Variants in RARB observed in about 807,000 individuals in gnomAD.
The protein encoded by RARB is retinoic acid receptor beta.
Under a neutral mutation model 51.9 loss-of-function variants are expected in RARB, and 17 were observed. That is an observed-to-expected ratio of 0.33 (90% confidence interval 0.22 to 0.49). RARB has a LOEUF of 0.49. Ranked by LOEUF, RARB falls within the 20% of genes least tolerant of loss-of-function variation. The pLI is 0.99. For missense variants in RARB, 369 were observed against 550.8 expected, an observed-to-expected ratio of 0.67 and a Z score of 3.30; for synonymous variants, 215 against 195.4, an observed-to-expected ratio of 1.10 and a Z score of -0.84.
intron 4 of RARB, among the ~76,000 whole-genome samples, chr3:25,155,195 G>A (rs1700354458): frequency 6.6e-6 from 1 of 151,486 alleles, no homozygotes; most frequent in East Asian, 1.9e-4. Context: ...GTATTTTTTA[G>A]CATTTTTCTT....
At chr3:24,877,069 A>T (rs548365133) in intron 2 of RARB, among the ~76,000 whole-genome samples, 2 of 152,226 alleles carry the variant, frequency 1.3e-5, no homozygotes, top group Admixed American at 1.3e-4. Flanking sequence ...ATTTTCTCTA[A>T]TTTTTATTAG....
intron 2 of RARB, among the ~76,000 whole-genome samples, chr3:25,005,209 C>T (rs1697245334): frequency 1.3e-5 from 2 of 152,154 alleles, no homozygotes; most frequent in African/African-American, 2.4e-5. Context: ...TAGTCTGATC[C>T]TATACTTGCC....
chr3:24,944,207 C>T (rs977102977), intron 2 of RARB, among the ~76,000 whole-genome samples: 1 of 152,160 alleles, frequency 6.6e-6, no homozygotes, highest in Non-Finnish European at 1.5e-5. Context: ...CTCTCACTCA[C>T]GGGCTTCTTG....
chr3:24,932,546 AC>A (rs1380095960), intron 2 of RARB, among the ~76,000 whole-genome samples: 1 of 152,122 alleles, frequency 6.6e-6, no homozygotes, highest in African/African-American at 2.4e-5. Context: ...TTACACACAT[AC>A]CTACGGCTAT....
intron 2 of RARB, among the ~76,000 whole-genome samples, chr3:25,001,939 G>A (rs1022627547): frequency 1.3e-5 from 2 of 151,970 alleles, no homozygotes; most frequent in African/African-American, 4.8e-5. Context: ...CACCCCATGT[G>A]GCTAATTTTT....
At chr3:25,538,405 G>C (rs886176957) in intron 3 of RARB, among the ~76,000 whole-genome samples, 7 of 151,948 alleles carry the variant, frequency 4.6e-5, no homozygotes, top group Non-Finnish European at 1.0e-4. Flanking sequence ...CTTTACATCC[G>C]GGTTTTAGAT....
At chr3:25,144,501 T>C (rs1302738053) in intron 4 of RARB, among the ~76,000 whole-genome samples, 1 of 152,008 alleles carries the variant, frequency 6.6e-6, no homozygotes, top group African/African-American at 2.4e-5. Flanking sequence ...AAAATTCAGA[T>C]CAAATGCATA....
intron 5 of RARB, among the ~76,000 whole-genome samples, chr3:25,249,859 T>C (rs1175720020): frequency 6.6e-6 from 1 of 152,198 alleles, no homozygotes; most frequent in East Asian, 1.9e-4. Flanking sequence ...CAGCAGGCTG[T>C]GTGTTCCTGT....
intron 3 of RARB, among the ~76,000 whole-genome samples, chr3:25,119,830 A>G (rs1699750807): frequency 2.6e-5 from 4 of 152,264 alleles, no homozygotes; most frequent in Middle Eastern, 3.4e-3. Context: ...TCTGTATTTT[A>G]TCACCGAAAA....
At chr3:25,437,478 A>G (rs1013868902) in intron 1 of RARB, among the ~76,000 whole-genome samples, 11 of 152,282 alleles carry the variant, frequency 7.2e-5, no homozygotes, top group African/African-American at 2.6e-4. Flanking sequence ...GGGGGACACC[A>G]AGATGAATCA....
At chr3:25,089,233 CT>C (rs1415277925) in intron 3 of RARB, among the ~76,000 whole-genome samples, 1 of 151,250 alleles carries the variant, frequency 6.6e-6, no homozygotes, top group Non-Finnish European at 1.5e-5. Flanking sequence ...ATCCTGCAAG[CT>C]GAAGATACTT....
chr3:25,117,655 G>C (rs192097583), intron 3 of RARB, among the ~76,000 whole-genome samples: 3 of 152,242 alleles, frequency 2.0e-5, no homozygotes, highest in Admixed American at 2.0e-4. Flanking sequence ...CCTGAGCTTA[G>C]GGTAATGGCA....
At chr3:25,382,123 A>G (rs934091938) in intron 5 of RARB, among the ~76,000 whole-genome samples, 5 of 152,310 alleles carry the variant, frequency 3.3e-5, no homozygotes, top group East Asian at 3.9e-4. Context: ...TTTGGGCTCA[A>G]AGAGTAGGAG....
intron 5 of RARB, among the ~76,000 whole-genome samples, chr3:25,205,341 G>C (rs1173175978): frequency 6.6e-6 from 1 of 152,140 alleles, no homozygotes; most frequent in East Asian, 1.9e-4. Context: ...TCCTTGGCTA[G>C]GAAAGGGAAT....
At chr3:25,054,004 A>G (rs1046846842) in intron 2 of RARB, among the ~76,000 whole-genome samples, 1 of 152,088 alleles carries the variant, frequency 6.6e-6, no homozygotes, top group African/African-American at 2.4e-5. Context: ...GGCGCAGGTC[A>G]TTGTCCTTGC....
intron 4 of RARB, among the ~76,000 whole-genome samples, chr3:25,135,607 C>A (rs756922997): frequency 6.6e-6 from 1 of 151,834 alleles, no homozygotes; most frequent in Non-Finnish European, 1.5e-5. Flanking sequence ...CAGTTGCGTG[C>A]AACATAGCCA....
intron 2 of RARB, among the ~76,000 whole-genome samples, chr3:24,926,372 C>T (rs1160463525): frequency 1.3e-5 from 2 of 152,172 alleles, no homozygotes; most frequent in African/African-American, 4.8e-5. Flanking sequence ...CCACAACTTG[C>T]TAAATTATGT....
rs780138510 is a variant in RARB at position 25,212,771 on chromosome 3, G to GA, written c.178+38203dup. Among the ~76,000 whole-genome samples, 127 of 151,930 alleles carry GA rather than the reference G, an allele frequency of 8.4e-4. 1 individual carries two copies. The highest frequency in any genetic ancestry group is 1.4e-3 in the Non-Finnish European group (98 of 67,950). On this transcript the variant is annotated intron_variant, in intron 5 of 11. Coordinates refer to the RARB transcript ENST00000383772. ...TATTTTCCACTTTTTTTGTGAGTAT[G>GA]AAAAAAATATATTACAAACCTATGA...
chr3:25,067,127 C>T (rs184009755), intron 3 of RARB, among the ~76,000 whole-genome samples: 4 of 152,264 alleles, frequency 2.6e-5, no homozygotes, highest in African/African-American at 9.6e-5. Context: ...AAGGGTATGG[C>T]TGATCACGGG....
Sources: allele counts gnomAD v4.1 joint callset (sites outside exome capture counted in the v4.1 genomes callset), GRCh38; gene constraint gnomAD v4.1.1; transcripts MANE v1.5; gene names NCBI Gene and HGNC (gene_info 2026-07-23, HGNC 2026-07-21).